TMC6: variants seen among roughly 807,000 people sequenced by gnomAD.
TMC6 encodes the protein transmembrane channel-like protein 6.
TMC6 carries 71 observed loss-of-function variants against 95.4 expected under a neutral mutation model. That is an observed-to-expected ratio of 0.74 (90% CI 0.61 to 0.91). The LOEUF (loss-of-function observed/expected upper bound fraction) is 0.91. TMC6 is among the 40% of genes least tolerant of loss of function. TMC6 has a pLI of 0.00. For missense variants in TMC6, 1,074 were observed against 1,079.1 expected (o/e 1.00, Z 0.07); for synonymous variants, 514 against 483.1 (o/e 1.06, Z -0.84).
At position 78,121,522 on chromosome 17, in the gene TMC6, C is replaced by T. The variant is rs759862416; in HGVS notation, c.1383+34G>A. ...TGCCCAGAGTCACTGGGGACACGTT[C>T]CAAGCAAGGGCCAGGCTCCCCCCAT... is the stretch of plus-strand genomic sequence containing the variant. On this transcript the variant is annotated intron_variant, in intron 11 of 19. Transcript: ENST00000590602. The surrounding 1 kb of genome is among the most constrained non-coding windows in gnomAD (Gnocchi z 5.6). 6.2e-7 allele frequency: 1 copy of T among 1,610,546 alleles called. No individual in the cohort carries two copies. The highest frequency in any genetic ancestry group is 1.1e-5 in the South Asian group (1 of 90,936).
intron 8 of TMC6, 60 bp from the exon 9 acceptor site, chr17:78,124,239 G>A: frequency 1.3e-6 from 2 of 1,595,660 alleles, no homozygotes; most frequent in South Asian, 2.2e-5. Flanking sequence ...CGACCCTCAG[G>A]CCTGACAGCC....
rs2074601045 is a variant in TMC6, at chr17:78,124,603, A to G, written c.812T>C (p.Met271Thr). Residue 271 changes from methionine to threonine, a missense_variant, in exon 8 of 20, where the codon ATG becomes ACG. Physicochemically the swap from Met to Thr is moderately conservative, Grantham distance 81. Transcript: ENST00000590602. Reference protein sequence around the residue: ...LLLLLLVAFIMGPQVAFPPAL... With the variant: ...LLLLLLVAFITGPQVAFPPAL... ...GGGTGGGAAGGCGACCTGAGGGCCC[A>G]TGATGAAGGCCACCAGCAGCAGCAG... 2 of 1,612,400 alleles carry G rather than the reference A, an allele frequency of 1.2e-6. No homozygotes were observed. Among genetic ancestry groups the G allele is most frequent in the Non-Finnish European group, 1.7e-6 (2 of 1,179,814 alleles).
At chr17:78,130,576 C>G (rs1003727090), upstream of TMC6, 1 of 152,310 alleles carries the variant, frequency 6.6e-6, no homozygotes, top group African/African-American at 2.4e-5. Context: ...GTGGGCCACC[C>G]GCAGCCCAGC....
intron 15 of TMC6, 127 bp downstream of exon 15, chr17:78,118,844 C>T: frequency 1.9e-6 from 2 of 1,073,596 alleles, no homozygotes; most frequent in South Asian, 1.4e-5. Context: ...AGGGCAGCCC[C>T]GAGCCGCCAG....
At chr17:78,125,412 T>C (rs374430295) in intron 5 of TMC6, 149 bp from the exon 6 acceptor site, 7 of 817,262 alleles carry the variant, frequency 8.6e-6, no homozygotes. Context: ...CAATCAGCCG[T>C]GTGTTTGCTT....
In TMC6 at chr17:78,113,498, CCT is replaced by C. The variant is rs780103209; in HGVS notation, c.2354+48_2354+49del. On this transcript the variant is annotated intron_variant, in intron 19 of 19. Coordinates refer to ENST00000590602, the MANE Select transcript of TMC6 (RefSeq NM_001127198.5). ...GCAGCCCTACTGTCCAGCCCTGGCC[CCT>C]CTCCCCTCCAGGCTCAGAGTGTCCC... 1.2e-5 allele frequency: 19 copies of C among 1,602,284 alleles called. No individual in the cohort carries two copies. The South Asian group carries it at 2.1e-4, about 18-fold the overall frequency.
intron 18 of TMC6, chr17:78,113,931 GTTAC>G: frequency 2.3e-6 from 1 of 428,724 alleles, no homozygotes; most frequent in South Asian, 2.1e-5. Context: ...TCTGCCTTGG[GTTAC>G]TAACTCTGTG....
At chr17:78,131,326 G>C, upstream of TMC6, 1 of 578,134 alleles carries the variant, frequency 1.7e-6, no homozygotes, top group Non-Finnish European at 3.1e-6. Flanking sequence ...GAGAGTTGGA[G>C]CGGGGCTGGG....
At chr17:78,120,481 G>C (rs2074358425) in intron 13 of TMC6, 172 bp downstream of exon 13, 1 of 1,065,622 alleles carries the variant, frequency 9.4e-7, no homozygotes, top group African/African-American at 1.6e-5. Context: ...TTTGAAACCT[G>C]TTTTCCTTTC....
At position 78,126,357 on chromosome 17, in the gene TMC6, TG is replaced by T; in HGVS notation, c.190del (p.Gln64SerfsTer87). ...QREREVTGSS[Q>X]QTLWRPEGTQ... ...GCCCTCGGGCCGCCAGAGTGTCTGC[TG>T]GCTACTTCCTACAAAGCAAGAAAGA... On this transcript the variant is annotated frameshift_variant, in exon 4 of 20. Coordinates refer to ENST00000590602, the MANE Select transcript of TMC6 (RefSeq NM_001127198.5). LOFTEE classifies it high-confidence loss of function. 1.3e-6 allele frequency: 2 copies of T among 1,589,716 alleles called. No homozygotes were observed. Among genetic ancestry groups the T allele is most frequent in the Non-Finnish European group, 1.7e-6 (2 of 1,173,220 alleles).
Position 78,121,120 on chromosome 17 carries a change from G to A in TMC6, c.1428C>T (p.Pro476=), listed in dbSNP as rs1401541347. The A allele has an allele frequency of 1.9e-6, 3 of 1,610,630 alleles. No individual in the cohort carries two copies. Among genetic ancestry groups the A allele is most frequent in the South Asian group, 1.1e-5 (1 of 90,822 alleles). ...CCAGGTTGAGGAGGCCAACCACCAG[G>A]GGCAGGACCAGCAGCACAGCCTCCT... ...AGQEAVLLVL[P]LVVGLLNLGA... Residue 476 remains proline, a synonymous_variant, in exon 12 of 20, where the codon CCC becomes CCT. Coordinates refer to ENST00000590602, the MANE Select transcript of TMC6 (RefSeq NM_001127198.5). This position sits in a 1 kb window ranked among gnomAD's most constrained non-coding sequence, Gnocchi z 5.6.
Position 78,128,446 on chromosome 17 carries a change from G to C in TMC6, c.-75+166C>G, listed in dbSNP as rs1429524648. Among the ~76,000 whole-genome samples, 2 of 152,124 alleles carry C rather than the reference G, an allele frequency of 1.3e-5. No homozygotes were observed. Among genetic ancestry groups the C allele is most frequent in the African/African-American group, 4.8e-5 (2 of 41,430 alleles). ...GCCCCTGCCGCTCCCAGCTCTGTCC[G>C]AGCCGGAGGGTCAAGCCCTGGGAGC... On this transcript the variant is annotated intron_variant, in intron 1 of 19. Transcript: ENST00000590602. The surrounding 1 kb of genome is among the most constrained non-coding windows in gnomAD (Gnocchi z 4.0).
At chr17:78,119,470 C>T (rs1183625914) in intron 13 of TMC6, 78 bp from the exon 14 acceptor site, 2 of 1,419,098 alleles carry the variant, frequency 1.4e-6, no homozygotes, top group South Asian at 1.2e-5. Context: ...CACCCAGAGG[C>T]ACCCCGCCCC....
At chr17:78,119,913 G>T in intron 13 of TMC6, 2 of 333,066 alleles carry the variant, frequency 6.0e-6, no homozygotes, top group Non-Finnish European at 5.8e-6. Context: ...CTCCCAAAGT[G>T]CTGGGATTAC....
Position 78,122,749 on chromosome 17 carries a change from G to A in TMC6, c.1083C>T (p.Ser361=), listed in dbSNP as rs1383394143. 1 of 1,609,574 alleles carries A rather than the reference G, an allele frequency of 6.2e-7. No individual in the cohort carries two copies. The highest frequency in any genetic ancestry group is 8.5e-7 in the Non-Finnish European group (1 of 1,178,810). ...AGCTCTCCCCGAAAGAGTGAGCCAT[G>A]CTGGGGAGAAGCAGACACAGACATG... ...FFITCITLVY[S]MAHSFGESYR... The change falls in exon 10 of 20, where the codon AGC becomes AGT. Residue 361 remains serine, a splice_region_variant and synonymous_variant. Transcript: ENST00000590602. The surrounding 1 kb of genome is among the most constrained non-coding windows in gnomAD (Gnocchi z 4.9).
chr17:78,121,271 T>A lies in TMC6; in HGVS notation c.1384-107A>T. 6.6e-7 allele frequency: 1 copy of A among 1,509,478 alleles called. No homozygotes were observed. The highest frequency in any genetic ancestry group is 8.9e-7 in the Non-Finnish European group (1 of 1,123,722). 93.5% of individuals were successfully genotyped at this position (1,509,478 alleles called of 1,614,324 possible). A position where few individuals can be genotyped will look rare whatever the true frequency, so the allele number is the denominator to read the frequency against. ...GAACTGGCAGGTAGCACCTCCCTCC[T>A]CCAAGATCTGGCCCTCCCCAGGCCT... On this transcript the variant is annotated intron_variant, in intron 11 of 19. Coordinates refer to ENST00000590602, the MANE Select transcript of TMC6 (RefSeq NM_001127198.5). This position sits in a 1 kb window ranked among gnomAD's most constrained non-coding sequence, Gnocchi z 5.6.
chr17:78,126,598 T>C lies in TMC6; in HGVS notation c.107A>G (p.Gln36Arg), dbSNP rs1214932221. ...DESEVHDSFQ[Q>R]LIQEQSQCTA... ...GCACTGGCTCTGCTCCTGGATGAGC[T>C]GCTGGAAGGAGTCGTGCACTTCGCT... The change falls in exon 3 of 20, where the codon CAG becomes CGG. Residue 36 changes from glutamine to arginine, a missense_variant. Physicochemically the swap from Gln to Arg is conservative, Grantham distance 43. Transcript: ENST00000590602. 1.2e-6 allele frequency: 2 copies of C among 1,613,594 alleles called. No individual in the cohort carries two copies. Among genetic ancestry groups the C allele is most frequent in the Admixed American group, 3.3e-5 (2 of 59,996 alleles).
Position 78,124,539 on chromosome 17 carries a change from C to A in TMC6, c.876G>T (p.Glu292Asp), listed in dbSNP as rs766039328. Residue 292 changes from glutamate to aspartate, a missense_variant, in exon 8 of 20, where the codon GAG becomes GAT. Glu to Asp is a conservative substitution (Grantham distance 45). Transcript: ENST00000590602. ...PGPAPVCTGL[E>D]LLTGAGCFTH... ...GCTTCCTCACCGCGCCTGTGAGGAG[C>A]TCCAGGCCTGTGCAGACGGGGGCAG... The A allele has an allele frequency of 3.7e-6, 6 of 1,611,220 alleles. No homozygotes were observed. The African/African-American group carries it at 8.0e-5, about 22-fold the overall frequency.
At position 78,120,777 on chromosome 17, in the gene TMC6, G is replaced by A. The variant is rs139049167; in HGVS notation, c.1591C>T (p.Arg531Cys). 6.9e-5 allele frequency: 111 copies of A among 1,613,326 alleles called. No homozygotes were observed. In the East Asian group the frequency reaches 6.9e-4, roughly 10 times the overall value. The change falls in exon 13 of 20, where the codon CGC (arginine) becomes TGC (cysteine). Residue 531 changes from arginine to cysteine, a missense_variant. Coordinates refer to ENST00000590602, the MANE Select transcript of TMC6 (RefSeq NM_001127198.5). Reference sequence around the variant, plus strand: ...TGGCCCTGCAGGACGCCCACCCTGCGGCCCAGCCAGTGGTAGCACAGTGTC... The same window carrying A: ...TGGCCCTGCAGGACGCCCACCCTGCAGCCCAGCCAGTGGTAGCACAGTGTC... ...LGTLCYHWLG[R>C]RVGVLQGQCW...
Sources: allele counts gnomAD v4.1 joint callset (sites outside exome capture counted in the v4.1 genomes callset), GRCh38; gene constraint gnomAD v4.1.1; non-coding constraint Gnocchi (gnomAD v3.1); transcripts MANE v1.5; gene names NCBI Gene and HGNC (gene_info 2026-07-23, HGNC 2026-07-21).